ROBO1: variants seen among roughly 807,000 people sequenced by gnomAD.
ROBO1 encodes the protein roundabout homolog 1.
In ROBO1, 149 loss-of-function variants were observed where a neutral mutation model predicts 195.9. The observed-to-expected ratio is 0.76, with a 90% CI of 0.67 to 0.87. The LOEUF (loss-of-function observed/expected upper bound fraction) is 0.87, where lower values mean the gene tolerates loss of function less well. ROBO1 is among the 40% of genes least tolerant of loss of function. The pLI is 0.00. For synonymous variants in ROBO1, 816 were observed against 733.2 expected, an observed-to-expected ratio of 1.11 and a Z score of -1.82; for missense variants, 1,933 against 2,068.3, an observed-to-expected ratio of 0.93 and a Z score of 1.27.
At chr3:79,554,187 A>G (rs1942619994) in intron 2 of ROBO1, among the ~76,000 whole-genome samples, 1 of 151,984 alleles carries the variant, frequency 6.6e-6, no homozygotes, top group Non-Finnish European at 1.5e-5. Flanking sequence ...TAAACTTTCT[A>G]TCCCTTATAT....
intron 2 of ROBO1, among the ~76,000 whole-genome samples, chr3:79,437,516 C>A: frequency 1.8e-5 from 2 of 111,748 alleles, no homozygotes; most frequent in African/African-American, 3.4e-5. Context: ...TTGGTAATAG[C>A]CAAAAGCTGA....
Position 78,870,271 on chromosome 3 carries a change from C to A in ROBO1, c.499+68330G>T, listed in dbSNP as rs375480214. Among the ~76,000 whole-genome samples, 243 of 152,238 alleles carry A rather than the reference C, an allele frequency of 1.6e-3. 9 individuals carry two copies. In the South Asian group the frequency reaches 0.048, roughly 30 times the overall value. On this transcript the variant is annotated intron_variant, in intron 4 of 30. Coordinates refer to ENST00000464233, the MANE Select transcript of ROBO1 (RefSeq NM_002941.4). ...CCATTTGCCTAAAAGTGACAGAATACCGTAATGAAGTTAAGTTAGTAATAA... is the reference window on the plus strand; with the variant it reads ...CCATTTGCCTAAAAGTGACAGAATAACGTAATGAAGTTAAGTTAGTAATAA...
intron 3 of ROBO1, among the ~76,000 whole-genome samples, chr3:79,043,407 CATCT>C (rs1286645761): frequency 6.6e-6 from 1 of 151,744 alleles, no homozygotes; most frequent in Non-Finnish European, 1.5e-5. Flanking sequence ...GAAAATGATC[CATCT>C]GTTTATTGAA....
At chr3:78,779,335 G>T (rs1188348154) in intron 4 of ROBO1, among the ~76,000 whole-genome samples, 1 of 152,044 alleles carries the variant, frequency 6.6e-6, no homozygotes, top group Non-Finnish European at 1.5e-5. Flanking sequence ...CAGAATGGGA[G>T]AAAATTTTTG....
At chr3:78,717,702 C>T in intron 6 of ROBO1, 61 bp downstream of exon 6, 1 of 1,565,926 alleles carries the variant, frequency 6.4e-7, no homozygotes, top group Non-Finnish European at 8.7e-7. Flanking sequence ...CCCTTGTATA[C>T]AGACACAAAA....
chr3:78,801,332 T>C (rs1233025882), intron 4 of ROBO1, among the ~76,000 whole-genome samples: 1 of 152,220 alleles, frequency 6.6e-6, no homozygotes, highest in East Asian at 1.9e-4. Context: ...AAATATAGGA[T>C]ACTTTGTTCA....
intron 1 of ROBO1, among the ~76,000 whole-genome samples, chr3:79,698,154 T>TA (rs1947502218): frequency 1.3e-5 from 2 of 151,534 alleles, no homozygotes; most frequent in Non-Finnish European, 3.0e-5. Context: ...ATATGAGGAC[T>TA]TTGAAGACTG....
chr3:79,710,697 A>G (rs765452073), intron 1 of ROBO1, among the ~76,000 whole-genome samples: 1 of 152,128 alleles, frequency 6.6e-6, no homozygotes, highest in African/African-American at 2.4e-5. Flanking sequence ...ATCATATCCA[A>G]TGGTTGAGTG....
chr3:79,035,039 C>G (rs1441207445), intron 3 of ROBO1, among the ~76,000 whole-genome samples: 1 of 151,984 alleles, frequency 6.6e-6, no homozygotes, highest in Non-Finnish European at 1.5e-5. Flanking sequence ...ACAATATTTA[C>G]AGAGTTACTA....
intron 4 of ROBO1, among the ~76,000 whole-genome samples, chr3:78,860,307 T>TAC (rs1210925321): frequency 3.9e-4 from 24 of 61,248 alleles, no homozygotes; most frequent in Admixed American, 6.4e-4. Flanking sequence ...ATATACTATA[T>TAC]ATATATATAT....
intron 4 of ROBO1, among the ~76,000 whole-genome samples, chr3:78,910,856 T>G (rs2038202145): frequency 6.6e-6 from 1 of 151,994 alleles, no homozygotes; most frequent in African/African-American, 2.4e-5. Context: ...TCAGTGTGTG[T>G]TCTCTGAACC....
intron 3 of ROBO1, among the ~76,000 whole-genome samples, chr3:79,032,628 A>G (rs967607897): frequency 2.0e-5 from 3 of 152,022 alleles, no homozygotes; most frequent in Admixed American, 6.5e-5. Flanking sequence ...AATGTTCTCT[A>G]AAGATTGGAT....
At chr3:78,723,847 A>G (rs56315536) in intron 5 of ROBO1, among the ~76,000 whole-genome samples, 71,584 of 151,996 alleles carry the variant, frequency 0.47, 17,751 homozygotes, top group Middle Eastern at 0.56. Flanking sequence ...GAAGGGATAC[A>G]ATTAGATAAT....
At position 78,822,276 on chromosome 3, in the gene ROBO1, G is replaced by A. The variant is rs140163346; in HGVS notation, c.500-75376C>T. 5.3e-3 allele frequency among the ~76,000 whole-genome samples: 805 copies of A among 152,272 alleles called. 5 individuals carry two copies. Among genetic ancestry groups the A allele is most frequent in the Middle Eastern group, 0.031 (9 of 294 alleles). Reference sequence around the variant, plus strand: ...GAAGCGGTGAAAACAAAGGGGATGTGTGGGGTGGACTAGTATCATCCACTA... The same window carrying A: ...GAAGCGGTGAAAACAAAGGGGATGTATGGGGTGGACTAGTATCATCCACTA... On this transcript the variant is annotated intron_variant, in intron 4 of 30. Transcript: ENST00000464233.
At chr3:78,607,275 C>G (rs1703523091) in intron 28 of ROBO1, 1 of 470,582 alleles carries the variant, frequency 2.1e-6, no homozygotes, top group Admixed American at 3.6e-5. Context: ...TGCAGGTGCG[C>G]AGTCTCAGCT....
intron 2 of ROBO1, among the ~76,000 whole-genome samples, chr3:79,286,916 T>C (rs1238382828): frequency 6.6e-6 from 1 of 152,200 alleles, no homozygotes; most frequent in Non-Finnish European, 1.5e-5. Flanking sequence ...CATTCTATAC[T>C]CTGATACGTA....
At chr3:78,964,214 C>A (rs944730094) in intron 3 of ROBO1, among the ~76,000 whole-genome samples, 1 of 152,154 alleles carries the variant, frequency 6.6e-6, no homozygotes, top group Non-Finnish European at 1.5e-5. Flanking sequence ...TTAGGGCCCA[C>A]CCTAATGACC....
chr3:78,614,785 T>C lies in ROBO1; in HGVS notation c.4298A>G (p.His1433Arg). The C allele has an allele frequency of 6.2e-7, 1 of 1,605,776 alleles. No individual in the cohort carries two copies. The highest frequency in any genetic ancestry group is 8.5e-7 in the Non-Finnish European group (1 of 1,177,554). ...TGTGGGCCTAGGGCACTGAGACGCA[T>C]GAAAATGTCGACGGCCTAAGGAGAA... is the stretch of plus-strand genomic sequence containing the variant. The part of the protein sequence containing the change: ...MQDAAGRRHF[H>R]ASQCPRPTSP... The change falls in exon 28 of 31, where the codon CAT becomes CGT. Residue 1433 changes from histidine to arginine, a missense_variant. Transcript: ENST00000464233.
intron 26 of ROBO1, among the ~76,000 whole-genome samples, chr3:78,618,704 T>A (rs1247171283): frequency 1.3e-5 from 2 of 152,234 alleles, no homozygotes; most frequent in Non-Finnish European, 2.9e-5. Context: ...ACTATTGCAT[T>A]TATTGTTATT....
Sources: allele counts gnomAD v4.1 joint callset (sites outside exome capture counted in the v4.1 genomes callset), GRCh38; gene constraint gnomAD v4.1.1; transcripts MANE v1.5; gene names NCBI Gene and HGNC (gene_info 2026-07-23, HGNC 2026-07-21).